ETS1: variants seen among roughly 807,000 people sequenced by gnomAD.
The protein encoded by ETS1 is ETS proto-oncogene 1, transcription factor.
ETS1 carries 15 observed loss-of-function variants against 58.6 expected under a neutral mutation model. The observed-to-expected ratio is 0.26, with a 90% confidence interval of 0.17 to 0.39. ETS1 has a LOEUF of 0.39. ETS1 is among the 10% of genes least tolerant of loss of function. The probability of loss-of-function intolerance (pLI) is 1.00; values close to 1 mark genes in which losing one functional copy is unlikely to be tolerated. For missense variants in ETS1, 417 were observed against 610.5 expected (o/e 0.68, Z 3.34); for synonymous variants, 214 against 218.2 (o/e 0.98, Z 0.17).
chr11:128,575,391 C>T (rs1247146378), intron 1 of ETS1, among the ~76,000 whole-genome samples: 5 of 152,104 alleles, frequency 3.3e-5, no homozygotes. Context: ...GTAACTGAAA[C>T]CTCGGAAGGC....
intron 7 of ETS1, 76 bp downstream of exon 7, chr11:128,484,747 T>G: frequency 1.4e-6 from 2 of 1,383,280 alleles, no homozygotes; most frequent in Non-Finnish European, 9.9e-7. Flanking sequence ...AAAAAAAAAA[T>G]GGAACCTGAA....
Position 128,556,370 on chromosome 11 carries a change from G to A in ETS1, c.135C>T (p.His45=), listed in dbSNP as rs1454717822. Residue 45 remains histidine, a synonymous_variant, in exon 3 of 10, where the codon CAC becomes CAT. Coordinates refer to ENST00000392668, the MANE Select transcript of ETS1 (RefSeq NM_001143820.2). ...RMNCGFQSNY[H]QQRPCYPFWD... ...AAAAGGGGTAGCAAGGTCTTTGCTG[G>A]TGATAATTGGACTGGAAACCACAGT... 6.2e-7 allele frequency: 1 copy of A among 1,612,970 alleles called. No homozygotes were observed. The highest frequency in any genetic ancestry group is 1.3e-5 in the African/African-American group (1 of 74,914).
At chr11:128,494,841 G>T (rs1269656624) in intron 3 of ETS1, among the ~76,000 whole-genome samples, 1 of 152,112 alleles carries the variant, frequency 6.6e-6, no homozygotes, top group Non-Finnish European at 1.5e-5. Context: ...GGATCCTAGG[G>T]TTAGGAGATG....
At chr11:128,583,637 T>C (rs778692108) in intron 1 of ETS1, among the ~76,000 whole-genome samples, 4 of 152,248 alleles carry the variant, frequency 2.6e-5, no homozygotes, top group Admixed American at 6.5e-5. Context: ...AAGTTTTTTT[T>C]AAGTCTCTAA....
At chr11:128,510,509 T>C (rs1196748633) in intron 3 of ETS1, among the ~76,000 whole-genome samples, 1 of 152,076 alleles carries the variant, frequency 6.6e-6, no homozygotes, top group Non-Finnish European at 1.5e-5. Flanking sequence ...AAGGACCCCT[T>C]AGGCCTGACC....
rs150021240 is a variant in ETS1 at position 128,565,353 on chromosome 11, G to T, written c.69+7709C>A. On this transcript the variant is annotated intron_variant, in intron 2 of 9. Coordinates refer to ENST00000392668, the MANE Select transcript of ETS1 (RefSeq NM_001143820.2). ...GGGACTCTCACCAGACACAGAGACT[G>T]CCAATGCCTTGATCTTGAACATTCC... Among the ~76,000 whole-genome samples, 151 of 152,302 alleles carry T rather than the reference G, an allele frequency of 9.9e-4. 1 individual carries two copies. Among genetic ancestry groups the T allele is most frequent in the African/African-American group, 3.4e-3 (141 of 41,576 alleles).
At chr11:128,514,607 A>G (rs1863475456) in intron 3 of ETS1, among the ~76,000 whole-genome samples, 1 of 152,188 alleles carries the variant, frequency 6.6e-6, no homozygotes. Flanking sequence ...GACACAGAAA[A>G]TACCAACAGT....
At chr11:128,534,494 A>T (rs1863943917) in intron 3 of ETS1, among the ~76,000 whole-genome samples, 1 of 152,168 alleles carries the variant, frequency 6.6e-6, no homozygotes, top group South Asian at 2.1e-4. Flanking sequence ...AACATATGCC[A>T]TGGGTGGTTT....
At chr11:128,558,699 A>G (rs1404759680) in intron 2 of ETS1, among the ~76,000 whole-genome samples, 1 of 149,054 alleles carries the variant, frequency 6.7e-6, no homozygotes, top group East Asian at 2.0e-4. Flanking sequence ...GAGAGAGAGA[A>G]AAGAAAAGAA....
rs747115847 is a variant in ETS1 at position 128,549,192 on chromosome 11, G to A, written c.214+7099C>T. Among the ~76,000 whole-genome samples the A allele has an allele frequency of 3.2e-4, 49 of 152,174 alleles. No individual in the cohort carries two copies. The highest frequency in any genetic ancestry group is 6.3e-4 in the Non-Finnish European group (43 of 68,024). ...TCTGGAGAGAGAGCCCGTGTCTCTA[G>A]GCGGCCAGACACAGCACTACAGGCT... is the stretch of plus-strand genomic sequence containing the variant. On this transcript the variant is annotated intron_variant, in intron 3 of 9. Coordinates refer to ENST00000392668, the MANE Select transcript of ETS1 (RefSeq NM_001143820.2). This position sits in a 1 kb window ranked among gnomAD's most constrained non-coding sequence, Gnocchi z 4.3.
chr11:128,584,112 G>A (rs1035390185), intron 1 of ETS1, among the ~76,000 whole-genome samples: 26 of 152,312 alleles, frequency 1.7e-4, no homozygotes, highest in African/African-American at 5.8e-4. Context: ...TGGGCATGGA[G>A]TAGAAATAAA....
rs1313377963 is a variant in ETS1 at position 128,490,444 on chromosome 11, T to C, written c.334+13A>G. 1.2e-6 allele frequency: 2 copies of C among 1,613,918 alleles called. No individual in the cohort carries two copies. The highest frequency in any genetic ancestry group is 1.3e-5 in the African/African-American group (1 of 75,046). ...TGACCCCAACCACTCTTTTTCCAAC[T>C]ACAAAACCATACCTTTTGGGATCCC... On this transcript the variant is annotated intron_variant, in intron 4 of 9. Transcript: ENST00000392668.
intron 5 of ETS1, among the ~76,000 whole-genome samples, chr11:128,489,050 G>A (rs908835929): frequency 2.0e-5 from 3 of 152,182 alleles, no homozygotes; most frequent in African/African-American, 7.2e-5. Flanking sequence ...AGAAGCTTCA[G>A]TGGTACAATC....
rs138186762 is a variant in ETS1, at chr11:128,520,249, A to C, written c.215-29673T>G. The stretch of plus-strand genomic sequence containing the variant: ...TCTAATATTTAATATTAAATTACCA[A>C]AAAAATTGCCTCAGCTGTTCACTGT... On this transcript the variant is annotated intron_variant, in intron 3 of 9. Transcript: ENST00000392668. 4.5e-3 allele frequency among the ~76,000 whole-genome samples: 686 copies of C among 152,286 alleles called. 2 individuals are homozygous for C. Among genetic ancestry groups the C allele is most frequent in the Admixed American group, 7.5e-3 (114 of 15,300 alleles).
chr11:128,521,851 T>C, intron 3 of ETS1: 4 of 1,419,838 alleles, frequency 2.8e-6, no homozygotes, highest in Non-Finnish European at 2.9e-6. Context: ...GGGGAAGAAG[T>C]CCAGGGGACC....
chr11:128,556,901 T>A (rs754786259), intron 2 of ETS1, among the ~76,000 whole-genome samples: 5 of 152,214 alleles, frequency 3.3e-5, no homozygotes, highest in Non-Finnish European at 5.9e-5. Context: ...ATTCACCTCA[T>A]TTTTTGGTTA....
Position 128,524,227 on chromosome 11 carries a change from T to C in ETS1, c.214+32064A>G, listed in dbSNP as rs1158825975. ...CCACCATGATTAAACTGTAAACACT[T>C]TCCACTCTAGCAATGAGGAAAATTA... On this transcript the variant is annotated intron_variant, in intron 3 of 9. Transcript: ENST00000392668. Among the ~76,000 whole-genome samples, 3 of 152,348 alleles carry C rather than the reference T, an allele frequency of 2.0e-5. No individual in the cohort carries two copies. In the East Asian group the frequency reaches 5.8e-4, roughly 29 times the overall value.
Position 128,507,508 on chromosome 11 carries a change from G to A in ETS1, c.215-16932C>T, listed in dbSNP as rs543435203. Among the ~76,000 whole-genome samples, 4 of 152,308 alleles carry A rather than the reference G, an allele frequency of 2.6e-5. No individual in the cohort carries two copies. In the East Asian group the frequency reaches 5.8e-4, roughly 22 times the overall value. ...AGCAAGCACATTTACACACAGTGGC[G>A]CACAGCTGTTTAAAGACGCAGGATC... On this transcript the variant is annotated intron_variant, in intron 3 of 9. Coordinates refer to ENST00000392668, the MANE Select transcript of ETS1 (RefSeq NM_001143820.2).
chr11:128,540,868 G>A (rs1270955872), intron 3 of ETS1, among the ~76,000 whole-genome samples: 1 of 152,142 alleles, frequency 6.6e-6, no homozygotes, highest in African/African-American at 2.4e-5. Flanking sequence ...GCCAGACCAG[G>A]GTGAGGGAGG....
Sources: allele counts gnomAD v4.1 joint callset (sites outside exome capture counted in the v4.1 genomes callset), GRCh38; gene constraint gnomAD v4.1.1; non-coding constraint Gnocchi (gnomAD v3.1); transcripts MANE v1.5; gene names NCBI Gene and HGNC (gene_info 2026-07-23, HGNC 2026-07-21).